CDH4: variants seen among roughly 807,000 people sequenced by gnomAD.
CDH4 encodes cadherin 4.
In CDH4, 33 loss-of-function variants were observed where a neutral mutation model predicts 86.0. The ratio of observed to expected loss-of-function variants is 0.38; its 90% CI spans 0.29 to 0.51. CDH4 has a LOEUF of 0.51. Among genes scored for constraint, CDH4 ranks in the 20% least tolerant of loss-of-function variants. The pLI, the probability that CDH4 is intolerant of heterozygous loss-of-function variation, is 0.86. For missense variants in CDH4, 1,114 were observed against 1,307.4 expected (o/e 0.85, Z 2.28); for synonymous variants, 555 against 549.4 (o/e 1.01, Z -0.14).
chr20:61,769,774 A>G (rs1363895657), intron 3 of CDH4, among the ~76,000 whole-genome samples: 3 of 152,176 alleles, frequency 2.0e-5, no homozygotes, highest in Non-Finnish European at 4.4e-5. Flanking sequence ...CGCCACATCT[A>G]TTACCATTGT....
intron 2 of CDH4, among the ~76,000 whole-genome samples, chr20:61,559,519 C>CTTTTTTTTTTTTTTTTTTTTTTTTTT (rs1156864328): frequency 1.2e-4 from 13 of 105,174 alleles, no homozygotes; most frequent in East Asian, 2.7e-4. Flanking sequence ...ATTTTTTTTT[C>CTTTTTTTTTTTTTTTTTTTTTTTTTT]TTTTTTTTTT....
At chr20:61,337,107 C>T (rs938800530) in intron 2 of CDH4, among the ~76,000 whole-genome samples, 1 of 152,004 alleles carries the variant, frequency 6.6e-6, no homozygotes. Context: ...GAACAAGCTG[C>T]TTTCCCTCTC....
chr20:61,558,426 A>T (rs1467600248), intron 2 of CDH4, among the ~76,000 whole-genome samples: 1 of 152,084 alleles, frequency 6.6e-6, no homozygotes, highest in Non-Finnish European at 1.5e-5. Flanking sequence ...AGTGTAGGTA[A>T]CTTTGTAAAT....
chr20:61,408,475 C>T (rs760106139), intron 2 of CDH4, among the ~76,000 whole-genome samples: 11 of 152,180 alleles, frequency 7.2e-5, no homozygotes, highest in Non-Finnish European at 1.3e-4. Context: ...ACTCAGTGCA[C>T]ATCACTGTGT....
chr20:61,704,523 C>T (rs1276554226), intron 2 of CDH4, among the ~76,000 whole-genome samples: 2 of 152,078 alleles, frequency 1.3e-5, no homozygotes, highest in South Asian at 2.1e-4. Flanking sequence ...GGCCCTGAAG[C>T]CCCCAGAGCC....
chr20:61,505,649 C>A (rs2085735054), intron 2 of CDH4, among the ~76,000 whole-genome samples: 1 of 142,370 alleles, frequency 7.0e-6, no homozygotes, highest in South Asian at 2.3e-4. Context: ...CGTTTTTATT[C>A]TTTCCTGTAG....
intron 4 of CDH4, among the ~76,000 whole-genome samples, chr20:61,777,775 AAC>A (rs147204187): frequency 3.1e-5 from 2 of 64,066 alleles, no homozygotes; most frequent in Non-Finnish European, 7.0e-5. Flanking sequence ...TGCATACAAA[AAC>A]ACACATCCAC....
At chr20:61,577,566 A>C (rs1039293266) in intron 2 of CDH4, among the ~76,000 whole-genome samples, 2 of 152,222 alleles carry the variant, frequency 1.3e-5, no homozygotes, top group African/African-American at 4.8e-5. Context: ...ATCATGGTCC[A>C]TGAGAGCTGA....
rs550224840 is a variant in CDH4 at position 61,592,653 on chromosome 20, C to T, written c.170-150910C>T. Among the ~76,000 whole-genome samples, 5 of 152,208 alleles carry T rather than the reference C, an allele frequency of 3.3e-5. No individual in the cohort carries two copies. In the South Asian group the frequency reaches 1.0e-3, roughly 32 times the overall value. Reference sequence around the variant, plus strand: ...CTCCACCCTGCTTTTCCTACAGGCCCGAGATAACAACCAGTATACTTTCTG... The same window carrying T: ...CTCCACCCTGCTTTTCCTACAGGCCTGAGATAACAACCAGTATACTTTCTG... On this transcript the variant is annotated intron_variant, in intron 2 of 15. Coordinates refer to ENST00000614565, the MANE Select transcript of CDH4 (RefSeq NM_001794.5).
At chr20:61,570,761 C>A in intron 2 of CDH4, 2 of 702,378 alleles carry the variant, frequency 2.8e-6, no homozygotes, top group Non-Finnish European at 5.2e-6. Flanking sequence ...CCTTGAGCCA[C>A]GGCTTGTGAT....
chr20:61,710,551 G>A (rs2087878909), intron 2 of CDH4, among the ~76,000 whole-genome samples: 1 of 152,226 alleles, frequency 6.6e-6, no homozygotes, highest in Non-Finnish European at 1.5e-5. Context: ...GTGCGTTGAT[G>A]AAAAGGGATT....
chr20:61,933,264 G>C, intron 14 of CDH4, 140 bp downstream of exon 14: 2 of 1,089,310 alleles, frequency 1.8e-6, no homozygotes, highest in Non-Finnish European at 2.6e-6. Context: ...AGGGGCGCAC[G>C]GTTTCCTAGC....
chr20:61,471,421 T>C (rs1416094558), intron 2 of CDH4, among the ~76,000 whole-genome samples: 1 of 152,046 alleles, frequency 6.6e-6, no homozygotes, highest in Non-Finnish European at 1.5e-5. Context: ...CTCTTTTTTT[T>C]CTCAATCTAG....
intron 2 of CDH4, among the ~76,000 whole-genome samples, chr20:61,436,834 C>A (rs2085285516): frequency 6.6e-6 from 1 of 152,238 alleles, no homozygotes; most frequent in Non-Finnish European, 1.5e-5. Flanking sequence ...CAGGGGCCAA[C>A]AGTGAGTCAC....
chr20:61,755,286 C>CAT (rs2088548211), intron 3 of CDH4, among the ~76,000 whole-genome samples: 1 of 127,166 alleles, frequency 7.9e-6, no homozygotes, highest in South Asian at 3.4e-4. Flanking sequence ...CACACACACA[C>CAT]GCCCCACACA....
intron 2 of CDH4, among the ~76,000 whole-genome samples, chr20:61,711,241 T>C (rs949086181): frequency 1.3e-5 from 2 of 152,202 alleles, no homozygotes; most frequent in African/African-American, 4.8e-5. Flanking sequence ...AAGGAGGATG[T>C]GTTTGCTTCC....
intron 2 of CDH4, among the ~76,000 whole-genome samples, chr20:61,534,004 A>C (rs1254632946): frequency 6.6e-6 from 1 of 152,190 alleles, no homozygotes; most frequent in Admixed American, 6.5e-5. Context: ...AGAGAGATAA[A>C]TGGACTGAAT....
At chr20:61,506,172 A>G (rs1311794335) in intron 2 of CDH4, among the ~76,000 whole-genome samples, 2 of 152,260 alleles carry the variant, frequency 1.3e-5, no homozygotes, top group Non-Finnish European at 2.9e-5. Flanking sequence ...CTTTCTCAAA[A>G]TGACAAGTTA....
chr20:61,762,544 A>G (rs2088647582), intron 3 of CDH4, among the ~76,000 whole-genome samples: 1 of 152,160 alleles, frequency 6.6e-6, no homozygotes, highest in African/African-American at 2.4e-5. Flanking sequence ...GCTGTTGCAA[A>G]TATTCTTCTC....
Sources: allele counts gnomAD v4.1 joint callset (sites outside exome capture counted in the v4.1 genomes callset), GRCh38; gene constraint gnomAD v4.1.1; transcripts MANE v1.5; gene names NCBI Gene and HGNC (gene_info 2026-07-23, HGNC 2026-07-21).